The following WDPCP variants were observed in gnomAD, a reference collection of about 807,000 sequenced individuals.
WDPCP encodes the protein WD repeat-containing and planar cell polarity effector protein fritz homolog.
A neutral mutation model predicts 93.1 loss-of-function variants in WDPCP; 71 were observed. That is an observed-to-expected ratio of 0.76 (90% CI 0.63 to 0.93). WDPCP has a LOEUF of 0.93. Ranked by LOEUF, WDPCP falls within the 40% of genes least tolerant of loss-of-function variation. The pLI is 0.00. For synonymous variants in WDPCP, 315 were observed against 315.0 expected, an observed-to-expected ratio of 1.00 and a Z score of 0.00; for missense variants, 844 against 887.4, an observed-to-expected ratio of 0.95 and a Z score of 0.62.
the WDPCP span, among the ~76,000 whole-genome samples, chr2:63,836,456 C>A: frequency 1.3e-5 from 2 of 152,130 alleles, no homozygotes; most frequent in Admixed American, 1.3e-4. Context: ...CAATAAGTAA[C>A]CTGAACTTCT....
intron 1 of WDPCP, among the ~76,000 whole-genome samples, chr2:63,499,069 A>C (rs1435884123): frequency 6.6e-6 from 1 of 152,242 alleles, no homozygotes; most frequent in East Asian, 1.9e-4. Flanking sequence ...TCATAGATAC[A>C]AAGTTTTATA....
At chr2:63,412,781 C>CAA (rs141811253) in intron 9 of WDPCP, among the ~76,000 whole-genome samples, 75 of 146,932 alleles carry the variant, frequency 5.1e-4, no homozygotes, top group African/African-American at 5.0e-4. Flanking sequence ...ATAATAGCTG[C>CAA]AAAAAAAAAA....
intron 2 of WDPCP, among the ~76,000 whole-genome samples, chr2:63,796,492 C>T (rs1023311573): frequency 8.5e-5 from 13 of 152,236 alleles, no homozygotes; most frequent in Non-Finnish European, 1.9e-4. Context: ...ATTGCTGGTA[C>T]TACCCCCTCC....
intron 13 of WDPCP, among the ~76,000 whole-genome samples, chr2:63,262,227 T>C (rs1449873016): frequency 6.6e-6 from 1 of 152,170 alleles, no homozygotes; most frequent in East Asian, 1.9e-4. Flanking sequence ...ATAAACTTTG[T>C]ATTTATTATG....
intron 14 of WDPCP, among the ~76,000 whole-genome samples, chr2:63,184,764 T>G (rs1338767055): frequency 6.6e-6 from 1 of 152,212 alleles, no homozygotes; most frequent in Non-Finnish European, 1.5e-5. Flanking sequence ...CTAAATCTCT[T>G]ATAAAATTAG....
chr2:63,453,356 C>T (rs1195278906), intron 6 of WDPCP, among the ~76,000 whole-genome samples: 5 of 152,196 alleles, frequency 3.3e-5, no homozygotes, highest in African/African-American at 7.2e-5. Flanking sequence ...CTCATCATCA[C>T]TGGCCATCAG....
At chr2:63,784,238 G>C (rs1485892528) in intron 2 of WDPCP, among the ~76,000 whole-genome samples, 1 of 152,168 alleles carries the variant, frequency 6.6e-6, no homozygotes. Context: ...TGAGCAGCCA[G>C]TATCATCAAG....
At chr2:63,764,223 A>C (rs1306850619) in intron 2 of WDPCP, among the ~76,000 whole-genome samples, 2 of 152,192 alleles carry the variant, frequency 1.3e-5, no homozygotes, top group Non-Finnish European at 2.9e-5. Context: ...CTGGCTCCAC[A>C]TAATAAGCAC....
At chr2:63,140,870 C>T (rs192910941) in intron 17 of WDPCP, among the ~76,000 whole-genome samples, 28 of 152,162 alleles carry the variant, frequency 1.8e-4, no homozygotes, top group Admixed American at 4.6e-4. Context: ...GTGGTGACAG[C>T]GGGCATTCTT....
intron 2 of WDPCP, among the ~76,000 whole-genome samples, chr2:63,772,223 A>G (rs771062001): frequency 1.2e-4 from 18 of 152,070 alleles, no homozygotes; most frequent in Non-Finnish European, 2.5e-4. Context: ...AATAATAGCC[A>G]TTCTGACTGA....
At chr2:63,643,500 C>A in intron 3 of WDPCP, 1 of 388,564 alleles carries the variant, frequency 2.6e-6, no homozygotes. Context: ...CCCTCAGTCA[C>A]CATACACAGG....
chr2:63,236,487 C>A (rs1679403380), intron 14 of WDPCP, among the ~76,000 whole-genome samples: 1 of 152,072 alleles, frequency 6.6e-6, no homozygotes. Context: ...TTCCAAAATT[C>A]ACATGGAATT....
chr2:63,275,161 C>T (rs766408406), intron 13 of WDPCP, among the ~76,000 whole-genome samples: 1 of 152,064 alleles, frequency 6.6e-6, no homozygotes, highest in Non-Finnish European at 1.5e-5. Context: ...TCGACATAGG[C>T]AAATCGATAA....
intron 12 of WDPCP, among the ~76,000 whole-genome samples, chr2:63,332,891 C>T (rs1289952762): frequency 2.6e-5 from 4 of 152,076 alleles, no homozygotes; most frequent in Admixed American, 2.6e-4. Context: ...ATTACAGGTA[C>T]AACCACACTC....
chr2:63,361,302 G>A (rs896081275), intron 12 of WDPCP, among the ~76,000 whole-genome samples: 9 of 152,148 alleles, frequency 5.9e-5, no homozygotes, highest in Admixed American at 2.6e-4. Flanking sequence ...GTGTATTATT[G>A]TGGCCAAAAT....
chr2:63,600,833 G>A (rs1456662565), intron 3 of WDPCP, among the ~76,000 whole-genome samples: 1 of 152,170 alleles, frequency 6.6e-6, no homozygotes, highest in Non-Finnish European at 1.5e-5. Context: ...AGTTGTAAAG[G>A]AAGAGATATT....
chr2:63,509,560 G>A (rs559126682), intron 1 of WDPCP, among the ~76,000 whole-genome samples: 3 of 152,154 alleles, frequency 2.0e-5, no homozygotes, highest in Non-Finnish European at 4.4e-5. Context: ...GCTAACAGAA[G>A]ACAAGAAATA....
At chr2:63,661,244 A>G (rs776598506) in intron 2 of WDPCP, among the ~76,000 whole-genome samples, 1 of 152,200 alleles carries the variant, frequency 6.6e-6, no homozygotes, top group Non-Finnish European at 1.5e-5. Flanking sequence ...TAAAGACTCA[A>G]CTAGGGAGGA....
intron 2 of WDPCP, among the ~76,000 whole-genome samples, chr2:63,744,023 A>T (rs1325887817): frequency 6.6e-6 from 1 of 152,126 alleles, no homozygotes; most frequent in East Asian, 1.9e-4. Context: ...ATCTGTCATA[A>T]CATGTTCCAG....
Sources: gnomAD v4.1 joint callset for allele counts (sites outside exome capture counted in the v4.1 genomes callset) on GRCh38, gnomAD v4.1.1 for gene constraint, MANE v1.5 for transcripts, NCBI Gene and HGNC (gene_info 2026-07-23, HGNC 2026-07-21) for gene names.